The following MARCHF1 variants were observed in gnomAD, a reference collection of about 807,000 sequenced individuals.
MARCHF1 encodes E3 ubiquitin-protein ligase MARCHF1.
In MARCHF1, 40 loss-of-function variants were observed where a neutral mutation model predicts 54.2. The ratio of observed to expected loss-of-function variants is 0.74; its 90% CI spans 0.57 to 0.96. The LOEUF (loss-of-function observed/expected upper bound fraction) is 0.96. Ranked by LOEUF, MARCHF1 falls within the 40% of genes least tolerant of loss-of-function variation. The probability of loss-of-function intolerance (pLI) is 0.00; values close to 1 mark genes in which losing one functional copy is unlikely to be tolerated. For missense variants in MARCHF1, 586 were observed against 656.5 expected (o/e 0.89, Z 1.17); for synonymous variants, 236 against 236.3 (o/e 1.00, Z 0.01).
intron 1 of MARCHF1, among the ~76,000 whole-genome samples, chr4:164,212,167 A>G (rs1443542173): frequency 6.6e-6 from 1 of 152,208 alleles, no homozygotes; most frequent in Non-Finnish European, 1.5e-5. Flanking sequence ...AACAAAAACA[A>G]TAACAACTAT....
intron 3 of MARCHF1, among the ~76,000 whole-genome samples, chr4:163,982,554 C>G (rs1022381136): frequency 2.6e-5 from 4 of 152,206 alleles, no homozygotes; most frequent in African/African-American, 9.6e-5. Context: ...AGTGACATAA[C>G]ATTCTACCAA....
At chr4:164,203,686 C>A (rs763595806) in intron 1 of MARCHF1, among the ~76,000 whole-genome samples, 1 of 152,150 alleles carries the variant, frequency 6.6e-6, no homozygotes, top group Non-Finnish European at 1.5e-5. Context: ...GGGCACAATG[C>A]CCCAGCCAAG....
chr4:163,669,894 G>A (rs1743672880), intron 5 of MARCHF1, among the ~76,000 whole-genome samples: 2 of 152,094 alleles, frequency 1.3e-5, no homozygotes, highest in Non-Finnish European at 1.5e-5. Flanking sequence ...CACCGCTCCC[G>A]GCCTGAGATG....
rs527702194 is a variant in MARCHF1 at position 163,761,629 on chromosome 4, G to A, written c.112-60766C>T. Among the ~76,000 whole-genome samples the A allele has an allele frequency of 3.9e-5, 6 of 152,316 alleles. No individual in the cohort carries two copies. In the South Asian group the frequency reaches 1.2e-3, roughly 32 times the overall value. Reference sequence around the variant, plus strand: ...TTGCTGCTTCACTTCTGCCCTCCATGAGCCCCACAGTAATCTTCCTTGTTG... The same window carrying A: ...TTGCTGCTTCACTTCTGCCCTCCATAAGCCCCACAGTAATCTTCCTTGTTG... On this transcript the variant is annotated intron_variant, in intron 4 of 9. Transcript: ENST00000514618.
Position 163,718,900 on chromosome 4 carries a change from G to A in MARCHF1, c.112-18037C>T, listed in dbSNP as rs150320941. Reference sequence around the variant, plus strand: ...CATCTGCTATTGTAAAATCTTTTGTGTTGATTGGTGAGGACTGAGGTGAGG... The same window carrying A: ...CATCTGCTATTGTAAAATCTTTTGTATTGATTGGTGAGGACTGAGGTGAGG... On this transcript the variant is annotated intron_variant, in intron 4 of 9. Coordinates refer to ENST00000514618, the MANE Select transcript of MARCHF1 (RefSeq NM_001394959.1). Among the ~76,000 whole-genome samples the A allele has an allele frequency of 2.9e-3, 434 of 152,262 alleles. 13 individuals carry two copies. Among genetic ancestry groups the A allele is most frequent in the Admixed American group, 0.027 (410 of 15,288 alleles).
intron 4 of MARCHF1, among the ~76,000 whole-genome samples, chr4:163,726,319 A>G (rs189267331): frequency 1.3e-5 from 2 of 152,158 alleles, no homozygotes; most frequent in Non-Finnish European, 2.9e-5. Context: ...CTTTTACTGT[A>G]TTCATAGTTT....
At chr4:164,086,533 T>C (rs1462492567) in intron 2 of MARCHF1, among the ~76,000 whole-genome samples, 1 of 151,992 alleles carries the variant, frequency 6.6e-6, no homozygotes, top group Non-Finnish European at 1.5e-5. Flanking sequence ...ATTAACTGTG[T>C]ATTATCTCAC....
intron 4 of MARCHF1, among the ~76,000 whole-genome samples, chr4:163,831,955 A>G (rs1331894680): frequency 6.6e-6 from 1 of 152,206 alleles, no homozygotes; most frequent in East Asian, 1.9e-4. Context: ...TGGCAGGGCC[A>G]TTGATGGCTC....
rs112608110 is a variant in MARCHF1, at chr4:163,963,585, A to G, written c.-39+24916T>C. 2.6e-3 allele frequency among the ~76,000 whole-genome samples: 398 copies of G among 152,052 alleles called. 3 individuals are homozygous for G. The highest frequency in any genetic ancestry group is 9.3e-3 in the African/African-American group (386 of 41,522). On this transcript the variant is annotated intron_variant, in intron 3 of 9. Coordinates refer to ENST00000514618, the MANE Select transcript of MARCHF1 (RefSeq NM_001394959.1). The stretch of plus-strand genomic sequence containing the variant: ...ATAGCTAGTCGTCAAAGATGGTCCT[A>G]TGATAAACCATGCTTCCAAGTAGTC...
At chr4:163,583,530 C>A (rs773840039) in intron 8 of MARCHF1, 3 of 151,602 alleles carry the variant, frequency 2.0e-5, no homozygotes, top group Non-Finnish European at 4.4e-5. Flanking sequence ...TCAATTTATT[C>A]AAATTAATCA....
At chr4:163,767,754 T>C (rs545862896) in intron 4 of MARCHF1, among the ~76,000 whole-genome samples, 1 of 152,372 alleles carries the variant, frequency 6.6e-6, no homozygotes, top group East Asian at 1.9e-4. Context: ...AAGTTAACTT[T>C]ATAAAATTTG....
At chr4:163,654,385 A>G (rs1164816134) in intron 5 of MARCHF1, among the ~76,000 whole-genome samples, 1 of 151,694 alleles carries the variant, frequency 6.6e-6, no homozygotes, top group East Asian at 1.9e-4. Context: ...CCTTTGAAGC[A>G]GTTGAGAGAT....
intron 1 of MARCHF1, among the ~76,000 whole-genome samples, chr4:164,348,735 C>A (rs1336530497): frequency 6.6e-6 from 1 of 152,148 alleles, no homozygotes; most frequent in Non-Finnish European, 1.5e-5. Context: ...ACACTATTCT[C>A]GCCTAGAAAC....
At chr4:164,208,888 T>G (rs1330620687) in intron 1 of MARCHF1, among the ~76,000 whole-genome samples, 1 of 152,012 alleles carries the variant, frequency 6.6e-6, no homozygotes, top group East Asian at 1.9e-4. Context: ...AGGTTCAGGT[T>G]GCAGTGAGCT....
rs116074665 is a variant in MARCHF1, at chr4:164,239,909, T to A, written c.-322-128247A>T. ...CATTCTTAATACTATGATTATTTTA[T>A]AGAAAATATGTTCTTCTATTTCTTG... On this transcript the variant is annotated intron_variant, in intron 1 of 9. Transcript: ENST00000514618. Among the ~76,000 whole-genome samples the A allele has an allele frequency of 6.2e-3, 949 of 152,334 alleles. 6 individuals carry two copies. Among genetic ancestry groups the A allele is most frequent in the Non-Finnish European group, 9.1e-3 (622 of 68,028 alleles).
chr4:164,169,667 C>A (rs189210561), intron 1 of MARCHF1, among the ~76,000 whole-genome samples: 7 of 152,144 alleles, frequency 4.6e-5, no homozygotes, highest in Admixed American at 2.6e-4. Context: ...AAGCAGAGAG[C>A]TTTCAACATA....
chr4:163,732,936 G>T lies in MARCHF1; in HGVS notation c.112-32073C>A, dbSNP rs191385422. ...GGATGCCGAGGTGGGTGGATCATCTGAGGTCAGGAGTTCAAGACCAGCCTG... is the reference window on the plus strand; with the variant it reads ...GGATGCCGAGGTGGGTGGATCATCTTAGGTCAGGAGTTCAAGACCAGCCTG... On this transcript the variant is annotated intron_variant, in intron 4 of 9. Coordinates refer to ENST00000514618, the MANE Select transcript of MARCHF1 (RefSeq NM_001394959.1). Among the ~76,000 whole-genome samples the T allele has an allele frequency of 4.6e-3, 700 of 151,832 alleles. 1 individual carries two copies. The highest frequency in any genetic ancestry group is 7.9e-3 in the Non-Finnish European group (538 of 67,942).
At chr4:163,891,540 C>G (rs960233516) in intron 3 of MARCHF1, among the ~76,000 whole-genome samples, 10 of 151,866 alleles carry the variant, frequency 6.6e-5, no homozygotes, top group African/African-American at 2.4e-4. Flanking sequence ...TCTCAACTCA[C>G]CGAAATGAAA....
rs568527681 is a variant in MARCHF1 at position 164,083,549 on chromosome 4, T to A, written c.-248+28039A>T. ...AGACAAAGAAAGCATGTTTCCTTTA[T>A]GCAGAAAACAAGGTAGATGCAATAG... On this transcript the variant is annotated intron_variant, in intron 2 of 9. Transcript: ENST00000514618. Among the ~76,000 whole-genome samples the A allele has an allele frequency of 2.0e-5, 3 of 152,150 alleles. No individual in the cohort carries two copies. In the South Asian group the frequency reaches 6.2e-4, roughly 32 times the overall value.
Sources: gnomAD v4.1 joint callset for allele counts (sites outside exome capture counted in the v4.1 genomes callset) on GRCh38, gnomAD v4.1.1 for gene constraint, MANE v1.5 for transcripts, NCBI Gene and HGNC (gene_info 2026-07-23, HGNC 2026-07-21) for gene names.